CARHSP1: variants seen among roughly 807,000 people sequenced by gnomAD.
CARHSP1 encodes calcium regulated heat stable protein 1, also known as calcium-regulated heat-stable protein 1.
A neutral mutation model predicts 12.5 loss-of-function variants in CARHSP1; 14 were observed. The ratio of observed to expected loss-of-function variants is 1.12; its 90% CI spans 0.74 to 1.75. The LOEUF (loss-of-function observed/expected upper bound fraction) is 1.75. CARHSP1 is among the 40% of genes most tolerant of loss of function. The pLI is 0.00. For missense variants in CARHSP1, 343 were observed against 201.6 expected (o/e 1.70, Z -4.25); for synonymous variants, 161 against 82.0 (o/e 1.96, Z -5.20).
chr16:8,856,929 G>C (rs565153354), intron 3 of CARHSP1, among the ~76,000 whole-genome samples: 32 of 151,890 alleles, frequency 2.1e-4, no homozygotes, highest in Non-Finnish European at 4.6e-4. Flanking sequence ...CAGACACTCA[G>C]GAAGGAAGGA....
intron 3 of CARHSP1, among the ~76,000 whole-genome samples, chr16:8,855,833 CTT>C (rs536993729): frequency 6.6e-6 from 1 of 152,080 alleles, no homozygotes; most frequent in South Asian, 2.1e-4. Context: ...CCCAGCCTGC[CTT>C]TTTTTGAGAC....
In CARHSP1 at chr16:8,865,276, A is replaced by G. The variant is rs376593034; in HGVS notation, c.-8+3690T>C. ...AGGCATGTACCACCACACCCAGCCA[A>G]TTGTTGTATTTTTAGTAGAGACGGG... On this transcript the variant is annotated intron_variant, in intron 1 of 3. Coordinates refer to ENST00000311052, the MANE Select transcript of CARHSP1 (RefSeq NM_014316.4). Among the ~76,000 whole-genome samples the G allele has an allele frequency of 2.6e-5, 4 of 152,076 alleles. No individual in the cohort carries two copies. The South Asian group carries it at 8.3e-4, about 32-fold the overall frequency.
rs960835413 is a variant in CARHSP1, at chr16:8,855,338, T to C, written c.282-12A>G. 6.5e-7 allele frequency: 1 copy of C among 1,531,260 alleles called. No individual in the cohort carries two copies. The highest frequency in any genetic ancestry group is 1.4e-5 in the African/African-American group (1 of 72,320). 94.9% of individuals were successfully genotyped at this position (1,531,260 alleles called of 1,614,324 possible). Reference sequence around the variant, plus strand: ...ACTCCCCTTCCACACTACGGGGGCATAAATAAAGCAGTCAGGGCTCACACC... The same window carrying C: ...ACTCCCCTTCCACACTACGGGGGCACAAATAAAGCAGTCAGGGCTCACACC... On this transcript the variant is annotated splice_polypyrimidine_tract_variant and intron_variant, in intron 3 of 3. Coordinates refer to ENST00000311052, the MANE Select transcript of CARHSP1 (RefSeq NM_014316.4).
intron 1 of CARHSP1, chr16:8,860,616 G>A (rs940789958): frequency 1.3e-4 from 74 of 553,198 alleles, no homozygotes; most frequent in South Asian, 9.4e-4. Flanking sequence ...TGGCACCTGC[G>A]CAGGGCTGGT....
At chr16:8,860,115 T>C (rs2061303198) in intron 1 of CARHSP1, 2 of 985,042 alleles carry the variant, frequency 2.0e-6, no homozygotes, top group South Asian at 4.7e-5. Context: ...CCTCACGCAG[T>C]GTCCGCCTCC....
intron 1 of CARHSP1, among the ~76,000 whole-genome samples, chr16:8,862,704 G>C (rs2061387789): frequency 6.6e-6 from 1 of 152,190 alleles, no homozygotes; most frequent in African/African-American, 2.4e-5. Flanking sequence ...CTGAGGGCCC[G>C]GGTGGGACTG....
At chr16:8,858,317 C>T (rs927621661) in intron 3 of CARHSP1, 33 bp downstream of exon 3, 1 of 1,607,980 alleles carries the variant, frequency 6.2e-7, no homozygotes, top group Non-Finnish European at 8.5e-7. Flanking sequence ...GCGCCCACCC[C>T]AGCCAGGCCA....
rs1430988890 is a variant in CARHSP1, at chr16:8,854,647, C to G, written c.*517G>C. On this transcript the variant is annotated 3_prime_UTR_variant, in exon 4 of 4. Coordinates refer to ENST00000311052, the MANE Select transcript of CARHSP1 (RefSeq NM_014316.4). ...TTCAAGCCAGCTCCCCTAGAACCAA[C>G]CAAGCCAAGAATTAGAAAACTGCTT... is the stretch of plus-strand genomic sequence containing the variant. The G allele has an allele frequency of 6.5e-6, 1 of 152,776 alleles. No homozygotes were observed. The highest frequency in any genetic ancestry group is 1.5e-5 in the Non-Finnish European group (1 of 68,184). 9.5% of individuals were successfully genotyped at this position (152,776 alleles called of 1,614,324 possible).
intron 1 of CARHSP1, chr16:8,861,588 A>T (rs2061356645): frequency 2.3e-6 from 3 of 1,281,086 alleles, no homozygotes; most frequent in African/African-American, 1.5e-5. Flanking sequence ...ACATTGCTGC[A>T]CTCTCCCGTT....
rs528347621 is a variant in CARHSP1, at chr16:8,856,714, G to T, written c.282-1388C>A. On this transcript the variant is annotated intron_variant, in intron 3 of 3. Coordinates refer to ENST00000311052, the MANE Select transcript of CARHSP1 (RefSeq NM_014316.4). The stretch of plus-strand genomic sequence containing the variant: ...TCCGTGTTAGCGGGTATGCTGTGCA[G>T]AGTAGGACTCTGTCTGCCCCTGCCT... Among the ~76,000 whole-genome samples the T allele has an allele frequency of 2.6e-5, 4 of 152,332 alleles. No individual in the cohort carries two copies. The East Asian group carries it at 5.8e-4, about 22-fold the overall frequency.
Position 8,859,340 on chromosome 16 carries a change from A to G in CARHSP1, c.-7-5T>C, listed in dbSNP as rs752247197. 8.8e-6 allele frequency: 14 copies of G among 1,597,726 alleles called. No individual in the cohort carries two copies. Among genetic ancestry groups the G allele is most frequent in the Non-Finnish European group, 1.2e-5 (14 of 1,178,180 alleles). On this transcript the variant is annotated splice_region_variant and splice_polypyrimidine_tract_variant and intron_variant, in intron 1 of 3. Coordinates refer to ENST00000311052, the MANE Select transcript of CARHSP1 (RefSeq NM_014316.4). ...GGCTCAGATGACATGGCTGACCTGGAAAGAGAAGAGGCTGTCAGGGGCTCG... is the reference window on the plus strand; with the variant it reads ...GGCTCAGATGACATGGCTGACCTGGGAAGAGAAGAGGCTGTCAGGGGCTCG...
intron 2 of CARHSP1, 92 bp from the exon 3 acceptor site, chr16:8,858,564 A>G: frequency 6.7e-7 from 1 of 1,503,016 alleles, no homozygotes; most frequent in Non-Finnish European, 9.0e-7. Flanking sequence ...TGCCCCATCA[A>G]GCCCTGGCCA....
At chr16:8,856,685 G>A (rs1013158197) in intron 3 of CARHSP1, among the ~76,000 whole-genome samples, 1 of 152,182 alleles carries the variant, frequency 6.6e-6, no homozygotes, top group East Asian at 1.9e-4. Context: ...TCAGAAATGT[G>A]GTTTCCGTGT....
intron 1 of CARHSP1, among the ~76,000 whole-genome samples, chr16:8,861,369 C>T (rs2061348952): frequency 6.6e-6 from 1 of 151,612 alleles, no homozygotes. Flanking sequence ...AGGTTTCCAG[C>T]TGCTCATGGA....
chr16:8,859,304 G>C lies in CARHSP1; in HGVS notation c.25C>G (p.Pro9Ala). The C allele has an allele frequency of 6.2e-7, 1 of 1,602,750 alleles. No individual in the cohort carries two copies. The highest frequency in any genetic ancestry group is 8.5e-7 in the Non-Finnish European group (1 of 1,178,306). Residue 9 changes from proline (P) to alanine (A), a missense_variant, in exon 2 of 4, where the codon CCA becomes GCA. Coordinates refer to ENST00000311052, the MANE Select transcript of CARHSP1 (RefSeq NM_014316.4). MSSEPPPP[P>A]QPPTHQASVG... Reference sequence around the variant, plus strand: ...GAAGCTTGATGGGTGGGGGGCTGTGGTGGTGGGGGAGGCTCAGATGACATG... The same window carrying C: ...GAAGCTTGATGGGTGGGGGGCTGTGCTGGTGGGGGAGGCTCAGATGACATG...
At chr16:8,862,678 A>G (rs938818612) in intron 1 of CARHSP1, among the ~76,000 whole-genome samples, 1 of 152,190 alleles carries the variant, frequency 6.6e-6, no homozygotes, top group African/African-American at 2.4e-5. Context: ...TATAGGGAAC[A>G]GCCTGTGCAA....
intron 1 of CARHSP1, among the ~76,000 whole-genome samples, chr16:8,864,581 G>C (rs1164945033): frequency 6.6e-6 from 1 of 152,230 alleles, no homozygotes. Context: ...GAAATACGGA[G>C]TAAGTCAGAC....
At chr16:8,864,246 GTGTATGCATGCGTGAACTTGTTGCCGTC>G (rs980782334) in intron 1 of CARHSP1, among the ~76,000 whole-genome samples, 13 of 152,268 alleles carry the variant, frequency 8.5e-5, no homozygotes, top group African/African-American at 3.1e-4. Flanking sequence ...GCGCATACAC[GTGTATGCATGCGTGAACTTGTTGCCGTC>G]TGTATGCACA....
At chr16:8,866,923 G>A (rs2061465069) in intron 1 of CARHSP1, among the ~76,000 whole-genome samples, 1 of 152,130 alleles carries the variant, frequency 6.6e-6, no homozygotes, top group South Asian at 2.1e-4. Flanking sequence ...TAGCTCTTCC[G>A]CCCTCAGGAG....
Sources: gnomAD v4.1 joint callset for allele counts (sites outside exome capture counted in the v4.1 genomes callset) on GRCh38, gnomAD v4.1.1 for gene constraint, MANE v1.5 for transcripts, NCBI Gene and HGNC (gene_info 2026-07-23, HGNC 2026-07-21) for gene names.